Variants in SOX6 observed in about 807,000 individuals in gnomAD.
SOX6 encodes the protein SRY-box transcription factor 6.
Under a neutral mutation model 97.8 loss-of-function variants are expected in SOX6, and 11 were observed. The observed-to-expected ratio is 0.11, with a 90% CI of 0.07 to 0.19. The LOEUF (loss-of-function observed/expected upper bound fraction) is 0.19. Ranked by LOEUF, SOX6 falls within the 10% of genes least tolerant of loss-of-function variation. The pLI is 1.00. For missense variants in SOX6, 810 were observed against 1,039.5 expected, an observed-to-expected ratio of 0.78 and a Z score of 3.04; for synonymous variants, 360 against 371.4, an observed-to-expected ratio of 0.97 and a Z score of 0.35.
At chr11:16,023,219 C>T (rs1466967095) in intron 12 of SOX6, 1 of 152,048 alleles carries the variant, frequency 6.6e-6, no homozygotes. Flanking sequence ...TCCATCACCA[C>T]ATTTATAGAA....
chr11:16,068,268 T>C (rs905308342), intron 9 of SOX6, among the ~76,000 whole-genome samples: 7 of 152,120 alleles, frequency 4.6e-5, no homozygotes, highest in African/African-American at 1.2e-4. Flanking sequence ...AAGCAAGACA[T>C]ATTATAAAGC....
At chr11:16,715,426 G>C (rs996350316) in intron 2 of SOX6, among the ~76,000 whole-genome samples, 26 of 152,062 alleles carry the variant, frequency 1.7e-4, no homozygotes, top group African/African-American at 3.4e-4. Flanking sequence ...CTGTAGAATA[G>C]CATTGTCTTG....
chr11:16,578,147 T>C (rs1411020646), intron 4 of SOX6, among the ~76,000 whole-genome samples: 1 of 152,168 alleles, frequency 6.6e-6, no homozygotes, highest in Non-Finnish European at 1.5e-5. Flanking sequence ...TACCTAGTTG[T>C]CTTGGCACCA....
intron 6 of SOX6, among the ~76,000 whole-genome samples, chr11:16,117,435 T>C (rs1202544044): frequency 6.6e-6 from 1 of 152,156 alleles, no homozygotes; most frequent in East Asian, 1.9e-4. Flanking sequence ...CTAAATGCCA[T>C]CTTCTACAGA....
At chr11:16,590,239 T>A (rs1431088322) in intron 4 of SOX6, among the ~76,000 whole-genome samples, 1 of 152,214 alleles carries the variant, frequency 6.6e-6, no homozygotes, top group African/African-American at 2.4e-5. Context: ...TGAATGTACA[T>A]ATTTCTCAAC....
At chr11:16,305,300 G>T (rs187687692) in intron 3 of SOX6, among the ~76,000 whole-genome samples, 1 of 152,156 alleles carries the variant, frequency 6.6e-6, no homozygotes, top group African/African-American at 2.4e-5. Context: ...GCAAACAAAC[G>T]TGTGAAATAA....
At chr11:16,434,997 T>C (rs549448895) in intron 1 of SOX6, among the ~76,000 whole-genome samples, 7 of 152,272 alleles carry the variant, frequency 4.6e-5, no homozygotes, top group African/African-American at 9.6e-5. Context: ...CGCAGCCTCA[T>C]AGTTCAATAT....
At chr11:16,466,639 A>G (rs1281855037) in intron 1 of SOX6, among the ~76,000 whole-genome samples, 1 of 151,086 alleles carries the variant, frequency 6.6e-6, no homozygotes, top group Admixed American at 6.6e-5. Flanking sequence ...AAAAAAAAAC[A>G]AACAACTCCG....
intron 6 of SOX6, among the ~76,000 whole-genome samples, chr11:16,172,026 A>C (rs1316208004): frequency 6.6e-6 from 1 of 151,778 alleles, no homozygotes; most frequent in African/African-American, 2.4e-5. Flanking sequence ...AGCATAACTG[A>C]GAAGTCTCCC....
intron 4 of SOX6, among the ~76,000 whole-genome samples, chr11:16,191,296 AT>A: frequency 6.6e-6 from 1 of 152,146 alleles, no homozygotes; most frequent in South Asian, 2.1e-4. Flanking sequence ...CTCTCCAAAA[AT>A]TTTTTTGTAA....
intron 3 of SOX6, among the ~76,000 whole-genome samples, chr11:16,618,194 C>A (rs1848494685): frequency 6.6e-6 from 1 of 151,794 alleles, no homozygotes; most frequent in African/African-American, 2.4e-5. Flanking sequence ...AGATTTGGAG[C>A]TCAAAATTAA....
chr11:16,151,039 C>A (rs985231667), intron 6 of SOX6, among the ~76,000 whole-genome samples: 21 of 152,076 alleles, frequency 1.4e-4, no homozygotes, highest in Non-Finnish European at 2.9e-5. Context: ...TTATTTAAAC[C>A]AAAGGCAGCC....
intron 15 of SOX6, among the ~76,000 whole-genome samples, chr11:15,981,550 C>G (rs756610214): frequency 6.6e-6 from 1 of 152,038 alleles, no homozygotes; most frequent in African/African-American, 2.4e-5. Flanking sequence ...TCACATATCT[C>G]TGTAGCTGAT....
chr11:16,276,506 G>C (rs1259244763), intron 3 of SOX6, among the ~76,000 whole-genome samples: 1 of 152,102 alleles, frequency 6.6e-6, no homozygotes, highest in Non-Finnish European at 1.5e-5. Flanking sequence ...GGGTCTTCTG[G>C]AAAAGAATTT....
chr11:16,276,219 CA>C (rs2134236523), intron 3 of SOX6, among the ~76,000 whole-genome samples: 1 of 152,226 alleles, frequency 6.6e-6, no homozygotes, highest in South Asian at 2.1e-4. Flanking sequence ...TATGACTTCT[CA>C]GATTTGCAAA....
At chr11:16,149,924 G>A (rs1357353891) in intron 6 of SOX6, among the ~76,000 whole-genome samples, 1 of 152,104 alleles carries the variant, frequency 6.6e-6, no homozygotes, top group Non-Finnish European at 1.5e-5. Context: ...TCAACCAACT[G>A]GTTGTTTTGA....
intron 4 of SOX6, among the ~76,000 whole-genome samples, chr11:16,549,494 A>G (rs1239347056): frequency 6.6e-6 from 1 of 152,218 alleles, no homozygotes; most frequent in Non-Finnish European, 1.5e-5. Context: ...AATAGAGCCC[A>G]TGCTGATGAG....
intron 9 of SOX6, among the ~76,000 whole-genome samples, chr11:16,072,661 G>A (rs1386799627): frequency 2.0e-5 from 3 of 152,048 alleles, no homozygotes; most frequent in Non-Finnish European, 4.4e-5. Context: ...TTCTCCAAGG[G>A]CAAAATGAAA....
At chr11:16,522,822 G>A (rs1195378147) in intron 4 of SOX6, among the ~76,000 whole-genome samples, 1 of 152,068 alleles carries the variant, frequency 6.6e-6, no homozygotes, top group African/African-American at 2.4e-5. Flanking sequence ...AAAGGCATGG[G>A]TTGCAATCCT....
Sources: allele counts gnomAD v4.1 joint callset (sites outside exome capture counted in the v4.1 genomes callset), GRCh38; gene constraint gnomAD v4.1.1; transcripts MANE v1.5; gene names NCBI Gene and HGNC (gene_info 2026-07-23, HGNC 2026-07-21).